Variants in DNAH7 observed in about 807,000 individuals in gnomAD.
DNAH7 encodes axonemal beta dynein heavy chain 7.
A neutral mutation model predicts 444.6 loss-of-function variants in DNAH7; 397 were observed. That is an observed-to-expected ratio of 0.89 (90% CI 0.82 to 0.97). The LOEUF (loss-of-function observed/expected upper bound fraction) is 0.97. DNAH7 is among the 50% of genes least tolerant of loss of function. The pLI is 0.00. For synonymous variants in DNAH7, 1,636 were observed against 1,624.4 expected (o/e 1.01, Z -0.17); for missense variants, 4,902 against 4,800.8 (o/e 1.02, Z -0.62).
At position 195,934,576 on chromosome 2, in the gene DNAH7, A is replaced by C. The variant is rs1688921648; in HGVS notation, c.3471+15T>G. The C allele has an allele frequency of 6.2e-7, 1 of 1,607,496 alleles. No individual in the cohort carries two copies. Among genetic ancestry groups the C allele is most frequent in the African/African-American group, 1.3e-5 (1 of 74,672 alleles). ...CTAGCATCCTTTTCTAAAAATCATC[A>C]GTATAATCAGCTACCTTGTGGATGG... is the stretch of plus-strand genomic sequence containing the variant. On this transcript the variant is annotated intron_variant, in intron 21 of 64. Coordinates refer to ENST00000312428, the MANE Select transcript of DNAH7 (RefSeq NM_018897.3).
At chr2:195,949,902 G>T in intron 19 of DNAH7, among the ~76,000 whole-genome samples, 1 of 152,114 alleles carries the variant, frequency 6.6e-6, no homozygotes, top group East Asian at 1.9e-4. Context: ...GATGGATTAC[G>T]TTTACTGATT....
chr2:195,851,093 T>C (rs1699333326), intron 46 of DNAH7, among the ~76,000 whole-genome samples: 1 of 152,152 alleles, frequency 6.6e-6, no homozygotes, highest in East Asian at 1.9e-4. Flanking sequence ...AGTCGTTGGG[T>C]GTGAAAGCAC....
intron 61 of DNAH7, among the ~76,000 whole-genome samples, chr2:195,762,450 T>TA (rs548413743): frequency 9.0e-4 from 137 of 152,120 alleles, no homozygotes; most frequent in African/African-American, 3.1e-3. Flanking sequence ...TGAATTTTTT[T>TA]AAAAAACAAG....
chr2:195,740,815 T>G lies in DNAH7; in HGVS notation c.11819A>C (p.Lys3940Thr). Residue 3940 changes from lysine (K) to threonine (T), a missense_variant, in exon 64 of 65, where the codon AAG (lysine) becomes ACG (threonine). Transcript: ENST00000312428. ...LDGASWNRKI[K>T]KLAESHPKIL... ...TTTGGGATGCGATTCTGCAAGTTTC[T>G]TGATCTTTCTATTCCAGGAAGCTCC... The G allele has an allele frequency of 6.4e-7, 1 of 1,570,092 alleles. No homozygotes were observed. Among genetic ancestry groups the G allele is most frequent in the South Asian group, 1.2e-5 (1 of 82,304 alleles).
chr2:196,034,232 T>G (rs1162375200), intron 5 of DNAH7, among the ~76,000 whole-genome samples: 4 of 152,190 alleles, frequency 2.6e-5, no homozygotes, highest in African/African-American at 9.6e-5. Context: ...CAAGCAAAAA[T>G]CAATTGATTT....
chr2:195,868,073 C>T (rs1700455367), intron 40 of DNAH7, among the ~76,000 whole-genome samples: 1 of 149,404 alleles, frequency 6.7e-6, no homozygotes, highest in Non-Finnish European at 1.5e-5. Context: ...CTCACCAACA[C>T]TGTTCTATTA....
chr2:195,748,921 C>T (rs2105896527), intron 63 of DNAH7, among the ~76,000 whole-genome samples: 1 of 152,258 alleles, frequency 6.6e-6, no homozygotes, highest in South Asian at 2.1e-4. Flanking sequence ...AGGACATAGG[C>T]ATGGGCAAGG....
At chr2:195,876,458 T>C (rs1026219208) in intron 37 of DNAH7, 86 bp downstream of exon 37, 2 of 1,303,454 alleles carry the variant, frequency 1.5e-6, no homozygotes, top group Non-Finnish European at 2.1e-6. Context: ...TACAAAAAGA[T>C]GTCTCTCCCC....
rs1695141006 is a variant in DNAH7, at chr2:195,777,969, G to A, written c.10895C>T (p.Ala3632Val). 6.2e-7 allele frequency: 1 copy of A among 1,611,308 alleles called. No individual in the cohort carries two copies. The highest frequency in any genetic ancestry group is 8.5e-7 in the Non-Finnish European group (1 of 1,178,176). The change falls in exon 59 of 65, where the codon GCT (alanine) becomes GTT (valine). Residue 3632 changes from alanine (A) to valine (V), a missense_variant. Ala to Val is a moderately conservative substitution (Grantham distance 64). Coordinates refer to ENST00000312428, the MANE Select transcript of DNAH7 (RefSeq NM_018897.3). ...GCATTCGCCAGTCATGTACCGCAGA[G>A]CCTCATACGGCAGTTCCTAAAATAG... ...LNQYEELPYE[A>V]LRYMTGECNY...
At chr2:195,947,618 T>C (rs913410339) in intron 19 of DNAH7, among the ~76,000 whole-genome samples, 2 of 152,318 alleles carry the variant, frequency 1.3e-5, no homozygotes, top group African/African-American at 2.4e-5. Context: ...GTAAAGGACA[T>C]GAACTCATCC....
At chr2:195,740,630 TATATATATATATATACATATACAC>T (rs1443068225) in intron 64 of DNAH7, 112 bp downstream of exon 64, 1,487 of 104,492 alleles carry the variant, frequency 0.014, 47 homozygotes, top group African/African-American at 0.069. Context: ...TATATATATA[TATATATATATATATACATATACAC>T]ACACACATAT....
Position 196,036,027 on chromosome 2 carries a change from C to CA in DNAH7, c.399-7981_399-7980insT, listed in dbSNP as rs1426896743. 2.2e-4 allele frequency among the ~76,000 whole-genome samples: 28 copies of CA among 129,494 alleles called. No homozygotes were observed. In the East Asian group the frequency reaches 6.4e-3, roughly 30 times the overall value. The allele number at this position is 129,494 out of a possible 152,430, so 85.0% of individuals were successfully genotyped here. On this transcript the variant is annotated intron_variant, in intron 5 of 64. Transcript: ENST00000312428. Reference sequence around the variant, plus strand: ...ACAACAGTACCTGCATCTCCACATTCTTTTTTTTTTTTTTTTTTTTCCAGG... The same window carrying CA: ...ACAACAGTACCTGCATCTCCACATTCATTTTTTTTTTTTTTTTTTTTCCAGG...
chr2:195,958,461 G>C (rs1690849405), intron 18 of DNAH7, among the ~76,000 whole-genome samples: 1 of 152,154 alleles, frequency 6.6e-6, no homozygotes, highest in Non-Finnish European at 1.5e-5. Flanking sequence ...TTAAGGTTTT[G>C]AGGAGTCAAA....
At chr2:196,051,450 T>A (rs895682177) in intron 2 of DNAH7, among the ~76,000 whole-genome samples, 3 of 152,192 alleles carry the variant, frequency 2.0e-5, no homozygotes, top group Non-Finnish European at 4.4e-5. Flanking sequence ...GAAAATTATA[T>A]CCAGCAATAC....
chr2:195,899,022 T>C (rs760816204), intron 28 of DNAH7, among the ~76,000 whole-genome samples: 1 of 152,208 alleles, frequency 6.6e-6, no homozygotes, highest in Non-Finnish European at 1.5e-5. Flanking sequence ...GCCTAATAAA[T>C]GCCATATTCT....
At chr2:195,756,104 A>G in intron 62 of DNAH7, 29 bp downstream of exon 62, 1 of 1,565,890 alleles carries the variant, frequency 6.4e-7, no homozygotes, top group Non-Finnish European at 8.7e-7. Context: ...GAGAAACTTA[A>G]CAATATACGA....
chr2:195,779,060 A>T (rs1302772577), intron 58 of DNAH7, among the ~76,000 whole-genome samples: 1 of 151,870 alleles, frequency 6.6e-6, no homozygotes, highest in Non-Finnish European at 1.5e-5. Context: ...AGCCAGGATG[A>T]TCTCGATCTC....
In DNAH7 at chr2:195,782,967, GCT is replaced by G. The variant is rs1196681368; in HGVS notation, c.10878+4041_10878+4042del. The stretch of plus-strand genomic sequence containing the variant: ...AATAACCTATAAATCTCTATTTTGT[GCT>G]CTCTCTTCCCTTGAGTTTTATATCT... On this transcript the variant is annotated intron_variant, in intron 58 of 64. Transcript: ENST00000312428. 7.9e-5 allele frequency among the ~76,000 whole-genome samples: 12 copies of G among 152,122 alleles called. No homozygotes were observed. The South Asian group carries it at 2.1e-3, about 26-fold the overall frequency.
At chr2:196,035,021 A>C (rs2125809380) in intron 5 of DNAH7, among the ~76,000 whole-genome samples, 1 of 152,264 alleles carries the variant, frequency 6.6e-6, no homozygotes, top group African/African-American at 2.4e-5. Context: ...ATCTCTACTA[A>C]AAATACAAAA....
Sources: gnomAD v4.1 joint callset for allele counts (sites outside exome capture counted in the v4.1 genomes callset) on GRCh38, gnomAD v4.1.1 for gene constraint, MANE v1.5 for transcripts, NCBI Gene and HGNC (gene_info 2026-07-23, HGNC 2026-07-21) for gene names.